FAM210A: variants seen among roughly 807,000 people sequenced by gnomAD.
FAM210A encodes the protein mitochondrial inner membrane scaffold 1, also known as family with sequence similarity 210 member A.
Under a neutral mutation model 25.3 loss-of-function variants are expected in FAM210A, and 13 were observed. The ratio of observed to expected loss-of-function variants is 0.51; its 90% CI spans 0.33 to 0.82. The LOEUF (loss-of-function observed/expected upper bound fraction) is 0.82, where lower values mean the gene tolerates loss of function less well. FAM210A is among the 40% of genes least tolerant of loss of function. FAM210A has a pLI of 0.02. For synonymous variants in FAM210A, 125 were observed against 118.7 expected, an observed-to-expected ratio of 1.05 and a Z score of -0.35; for missense variants, 319 against 323.2, an observed-to-expected ratio of 0.99 and a Z score of 0.10.
rs1568479312 is a variant in FAM210A, at chr18:13,681,693, T to C, written c.385A>G (p.Thr129Ala). 6.2e-7 allele frequency: 1 copy of C among 1,614,232 alleles called. No individual in the cohort carries two copies. Among genetic ancestry groups the C allele is most frequent in the Non-Finnish European group, 8.5e-7 (1 of 1,180,042 alleles). Reference sequence around the variant, plus strand: ...AGAACTTTTCCATACTGTCTAAATGTCTTCTTGAATCGTTGATAAAGACTA... The same window carrying C: ...AGAACTTTTCCATACTGTCTAAATGCCTTCTTGAATCGTTGATAAAGACTA... ...SISLYQRFKK[T>A]FRQYGKVLIP... The change falls in exon 2 of 4, where the codon ACA (threonine) becomes GCA (alanine). Residue 129 changes from threonine to alanine, a missense_variant. Coordinates refer to ENST00000651643, the MANE Select transcript of FAM210A (RefSeq NM_152352.4).
chr18:13,703,387 T>C (rs2043756005), intron 1 of FAM210A, among the ~76,000 whole-genome samples: 1 of 152,208 alleles, frequency 6.6e-6, no homozygotes, highest in Non-Finnish European at 1.5e-5. Context: ...GGTGGGCTAA[T>C]TACAAATGGG....
chr18:13,693,786 GC>G (rs1424829353), intron 1 of FAM210A, among the ~76,000 whole-genome samples: 2 of 151,950 alleles, frequency 1.3e-5, no homozygotes, highest in Non-Finnish European at 1.5e-5. Context: ...TACTGAATGA[GC>G]AAAAACTGGA....
chr18:13,718,933 T>C (rs2149071421), intron 1 of FAM210A, among the ~76,000 whole-genome samples: 1 of 152,314 alleles, frequency 6.6e-6, no homozygotes, highest in Middle Eastern at 3.4e-3. Context: ...TGTCATTTGA[T>C]CATCAGAGTA....
intron 1 of FAM210A, among the ~76,000 whole-genome samples, chr18:13,690,921 A>C (rs190145690): frequency 6.6e-6 from 1 of 152,350 alleles, no homozygotes; most frequent in African/African-American, 2.4e-5. Context: ...CAAGTTGAGA[A>C]GAAGGCTTCA....
intron 1 of FAM210A, among the ~76,000 whole-genome samples, chr18:13,703,444 T>C (rs11080681): frequency 2.4e-4 from 37 of 152,178 alleles, no homozygotes; most frequent in African/African-American, 8.4e-4. Flanking sequence ...AGTAAAAGCA[T>C]TGCACTGTCT....
intron 1 of FAM210A, among the ~76,000 whole-genome samples, chr18:13,687,502 T>G (rs536172978): frequency 1.1e-4 from 16 of 152,152 alleles, no homozygotes; most frequent in Admixed American, 8.5e-4. Flanking sequence ...GCACATGCAT[T>G]AAGAGACAAA....
intron 1 of FAM210A, among the ~76,000 whole-genome samples, chr18:13,689,523 C>T (rs2043624840): frequency 6.6e-6 from 1 of 152,178 alleles, no homozygotes; most frequent in South Asian, 2.1e-4. Flanking sequence ...ACATGTACAA[C>T]AAACCTATTG....
chr18:13,672,575 A>G (rs578152450), intron 2 of FAM210A, among the ~76,000 whole-genome samples: 3 of 152,178 alleles, frequency 2.0e-5, no homozygotes, highest in Non-Finnish European at 4.4e-5. Flanking sequence ...ACGCCTAGCT[A>G]ATTTTTGTAT....
In FAM210A at chr18:13,686,765, T is replaced by A. The variant is rs538660435; in HGVS notation, c.-28-4660A>T. The stretch of plus-strand genomic sequence containing the variant: ...CTATATTCATTATTCATTAAAGAAA[T>A]GGAATCAAAAATTAATATCCTTTCC... On this transcript the variant is annotated intron_variant, in intron 1 of 3. Transcript: ENST00000651643. 7.0e-4 allele frequency among the ~76,000 whole-genome samples: 106 copies of A among 152,226 alleles called. 1 individual carries two copies. The highest frequency in any genetic ancestry group is 2.5e-3 in the African/African-American group (103 of 41,544).
intron 3 of FAM210A, among the ~76,000 whole-genome samples, chr18:13,667,052 C>T (rs1199586330): frequency 6.6e-6 from 1 of 152,226 alleles, no homozygotes. Context: ...AACAGAGGAA[C>T]ACATGTTTCT....
chr18:13,698,145 G>C (rs1055683916), intron 1 of FAM210A, among the ~76,000 whole-genome samples: 11 of 152,156 alleles, frequency 7.2e-5, no homozygotes, highest in Non-Finnish European at 1.2e-4. Flanking sequence ...CTGAGGTCAG[G>C]AGTTCGAGAC....
At position 13,682,056 on chromosome 18, in the gene FAM210A, T is replaced by C. The variant is rs756838446; in HGVS notation, c.22A>G (p.Thr8Ala). Reference sequence around the variant, plus strand: ...GTCCTGCGTGCCAGTCGAGATACAGTCCGTGGTACATTCCATTGCATTTTG... The same window carrying C: ...GTCCTGCGTGCCAGTCGAGATACAGCCCGTGGTACATTCCATTGCATTTTG... MQWNVPRTVSRLARRTCL... is the reference protein window; with the variant it reads MQWNVPRAVSRLARRTCL... Residue 8 changes from threonine to alanine, a missense_variant, in exon 2 of 4, where the codon ACT (threonine) becomes GCT (alanine). Coordinates refer to ENST00000651643, the MANE Select transcript of FAM210A (RefSeq NM_152352.4). 5 of 1,602,188 alleles carry C rather than the reference T, an allele frequency of 3.1e-6. No homozygotes were observed. Among genetic ancestry groups the C allele is most frequent in the East Asian group, 4.5e-5 (2 of 44,758 alleles).
At chr18:13,699,087 G>GT (rs2043718422) in intron 1 of FAM210A, among the ~76,000 whole-genome samples, 2 of 152,272 alleles carry the variant, frequency 1.3e-5, no homozygotes, top group Admixed American at 1.3e-4. Context: ...GATTACAGGC[G>GT]TGAGCCACCG....
intron 3 of FAM210A, among the ~76,000 whole-genome samples, chr18:13,667,137 G>T (rs1149358): frequency 0.046 from 6,985 of 152,314 alleles, 542 homozygotes; most frequent in African/African-American, 0.16. Flanking sequence ...TCTTCAAATG[G>T]TGAGAGGCAG....
At chr18:13,682,444 T>C (rs559723663) in intron 1 of FAM210A, among the ~76,000 whole-genome samples, 135 of 152,174 alleles carry the variant, frequency 8.9e-4, no homozygotes, top group African/African-American at 3.0e-3. Context: ...GGTGGGCACC[T>C]GTAATTCCAG....
intron 1 of FAM210A, among the ~76,000 whole-genome samples, chr18:13,685,322 CTG>C (rs1323707761): frequency 6.2e-5 from 9 of 146,292 alleles, no homozygotes; most frequent in Non-Finnish European, 1.0e-4. Context: ...TGGAGAAAAA[CTG>C]TATTTGTAAA....
chr18:13,715,677 A>G (rs1260353449), intron 1 of FAM210A, among the ~76,000 whole-genome samples: 1 of 152,232 alleles, frequency 6.6e-6, no homozygotes. Flanking sequence ...CAGAGTTATT[A>G]CACAACAAAA....
intron 2 of FAM210A, among the ~76,000 whole-genome samples, chr18:13,673,999 C>T (rs80255613): frequency 7.1e-6 from 1 of 140,814 alleles, no homozygotes; most frequent in Non-Finnish European, 1.6e-5. Context: ...TCCTGAGCCC[C>T]GACTTCATTT....
chr18:13,706,382 T>C (rs2043778345), intron 1 of FAM210A, among the ~76,000 whole-genome samples: 1 of 151,936 alleles, frequency 6.6e-6, no homozygotes, highest in Admixed American at 6.6e-5. Context: ...TGTGAACTTA[T>C]GGGGTATACT....
Sources: gnomAD v4.1 joint callset for allele counts (sites outside exome capture counted in the v4.1 genomes callset) on GRCh38, gnomAD v4.1.1 for gene constraint, MANE v1.5 for transcripts, NCBI Gene and HGNC (gene_info 2026-07-23, HGNC 2026-07-21) for gene names.